WBP2NL: variants seen among roughly 807,000 people sequenced by gnomAD.
WBP2NL encodes postacrosomal sheath WW domain-binding protein.
Under a neutral mutation model 23.3 loss-of-function variants are expected in WBP2NL, and 27 were observed. That is an observed-to-expected ratio of 1.16 (90% CI 0.85 to 1.60). WBP2NL has a LOEUF of 1.60. WBP2NL is among the 40% of genes most tolerant of loss of function. The probability of loss-of-function intolerance (pLI) is 0.00; values close to 1 mark genes in which losing one functional copy is unlikely to be tolerated. For missense variants in WBP2NL, 370 were observed against 389.5 expected (o/e 0.95, Z 0.42); for synonymous variants, 151 against 145.9 (o/e 1.03, Z -0.25).
chr22:42,047,811 C>T (rs1327480434), intron 8 of WBP2NL, among the ~76,000 whole-genome samples: 5 of 151,144 alleles, frequency 3.3e-5, no homozygotes, highest in South Asian at 2.1e-4. Context: ...TTAGAAGAGA[C>T]GGGGTTTCAC....
downstream of WBP2NL, chr22:42,031,420 G>A (rs763207397): frequency 6.6e-5 from 10 of 152,118 alleles, no homozygotes; most frequent in Non-Finnish European, 1.2e-4. Flanking sequence ...CACTCACTGT[G>A]CTGGTGGATT....
rs540144433 is a variant in WBP2NL, at chr22:42,001,680, G to A, written c.62+2800G>A. Reference sequence around the variant, plus strand: ...TTGTCCACACCATCCAGGAAGATCTGCTTGTATTTATCTTTGAAGGTGAAG... The same window carrying A: ...TTGTCCACACCATCCAGGAAGATCTACTTGTATTTATCTTTGAAGGTGAAG... On this transcript the variant is annotated intron_variant, in intron 1 of 5. Transcript: ENST00000328823. 3.3e-6 allele frequency: 4 copies of A among 1,213,454 alleles called. No individual in the cohort carries two copies. The Admixed American group carries it at 5.1e-5, about 15-fold the overall frequency. 75.2% of individuals were successfully genotyped at this position (1,213,454 alleles called of 1,614,324 possible).
At chr22:42,034,480 G>C (rs1410958699), downstream of WBP2NL, among the ~76,000 whole-genome samples, 2 of 152,112 alleles carry the variant, frequency 1.3e-5, no homozygotes. Context: ...TACTTAACAG[G>C]GTAATAGAAT....
chr22:42,047,482 C>CG (rs1925638519), intron 8 of WBP2NL, among the ~76,000 whole-genome samples: 1 of 150,500 alleles, frequency 6.6e-6, no homozygotes, highest in East Asian at 2.0e-4. Flanking sequence ...CCCAGCTACT[C>CG]GGGAGGCTGA....
At chr22:42,023,736 C>A (rs1038709066) in intron 5 of WBP2NL, among the ~76,000 whole-genome samples, 1 of 152,036 alleles carries the variant, frequency 6.6e-6, no homozygotes, top group Non-Finnish European at 1.5e-5. Context: ...ACCTTGTGAT[C>A]CGCCCGCCTC....
intron 1 of WBP2NL, among the ~76,000 whole-genome samples, chr22:42,007,754 A>C (rs1427763686): frequency 6.6e-6 from 1 of 152,228 alleles, no homozygotes; most frequent in Non-Finnish European, 1.5e-5. Flanking sequence ...AGGTTGAAAA[A>C]TATTCCATTG....
At chr22:42,009,990 T>G (rs1346133233) in intron 1 of WBP2NL, among the ~76,000 whole-genome samples, 1 of 152,230 alleles carries the variant, frequency 6.6e-6, no homozygotes, top group African/African-American at 2.4e-5. Context: ...CACTAATGTT[T>G]TATAGTTTTC....
At chr22:42,041,869 G>GT (rs2146816969) in intron 8 of WBP2NL, among the ~76,000 whole-genome samples, 1 of 152,288 alleles carries the variant, frequency 6.6e-6, no homozygotes, top group East Asian at 1.9e-4. Context: ...TGTAAGACAG[G>GT]TGTAATGGTG....
chr22:42,006,370 G>A (rs1464041969), intron 1 of WBP2NL, among the ~76,000 whole-genome samples: 4 of 151,976 alleles, frequency 2.6e-5, no homozygotes, highest in South Asian at 4.2e-4. Context: ...GCAGGCACCC[G>A]CCACCACACT....
At chr22:42,019,621 A>G in intron 2 of WBP2NL, 41 bp from the exon 3 acceptor site, 1 of 1,611,932 alleles carries the variant, frequency 6.2e-7, no homozygotes, top group Non-Finnish European at 8.5e-7. Context: ...ATCCATGGAC[A>G]AATTCTGCAT....
At chr22:42,003,751 T>G (rs1023825825) in intron 1 of WBP2NL, among the ~76,000 whole-genome samples, 9 of 152,190 alleles carry the variant, frequency 5.9e-5, no homozygotes, top group African/African-American at 2.2e-4. Flanking sequence ...ACTAACTTGT[T>G]ATAACATGAC....
chr22:42,003,544 A>G (rs928899819), intron 1 of WBP2NL: 1 of 150,110 alleles, frequency 6.7e-6, no homozygotes. Flanking sequence ...AATTTTTTTT[A>G]AAAAAAGAAA....
intron 1 of WBP2NL, among the ~76,000 whole-genome samples, chr22:42,006,538 T>G (rs1476620759): frequency 1.3e-5 from 2 of 152,210 alleles, no homozygotes; most frequent in South Asian, 2.1e-4. Flanking sequence ...CAGCCGGCTT[T>G]GTTTCCTAAT....
exon 9 of WBP2NL, chr22:42,058,309 A>G (rs1217642076): frequency 6.6e-6 from 1 of 152,110 alleles, no homozygotes; most frequent in Non-Finnish European, 1.5e-5. Flanking sequence ...CTCACACATC[A>G]GAAGAGCATG....
chr22:42,057,867 A>ATG lies in WBP2NL; in HGVS notation c.*274-421_*274-420dup, dbSNP rs1491007983. Among the ~76,000 whole-genome samples the ATG allele has an allele frequency of 8.5e-3, 411 of 48,276 alleles. 3 individuals carry two copies. Among genetic ancestry groups the ATG allele is most frequent in the African/African-American group, 0.011 (107 of 9,350 alleles). 31.7% of individuals were successfully genotyped at this position (48,276 alleles called of 152,430 possible). A position where few individuals can be genotyped will look rare whatever the true frequency, so the allele number is the denominator to read the frequency against. ...TATATACACATATATGTGTGTGTGT[A>ATG]TGTATATATATATATATATATATAT... On this transcript the variant is annotated intron_variant and NMD_transcript_variant, in intron 8 of 8. Transcript: ENST00000436265.
chr22:42,042,731 C>A (rs1179129806), intron 8 of WBP2NL, among the ~76,000 whole-genome samples: 1 of 152,046 alleles, frequency 6.6e-6, no homozygotes, highest in Non-Finnish European at 1.5e-5. Context: ...CCTTGTGATC[C>A]TTCTAGCCTT....
At chr22:42,006,072 A>G (rs1242345692) in intron 1 of WBP2NL, among the ~76,000 whole-genome samples, 2 of 152,188 alleles carry the variant, frequency 1.3e-5, no homozygotes, top group African/African-American at 2.4e-5. Flanking sequence ...AACACCCAAG[A>G]AAGCTTTACT....
chr22:42,010,233 G>A (rs118035989), intron 1 of WBP2NL, among the ~76,000 whole-genome samples: 2,060 of 152,208 alleles, frequency 0.014, 25 homozygotes, highest in South Asian at 0.027. Flanking sequence ...ATAAGATCAC[G>A]CCATCTGTGA....
chr22:42,015,517 C>G (rs1923225646), intron 1 of WBP2NL, among the ~76,000 whole-genome samples: 1 of 152,092 alleles, frequency 6.6e-6, no homozygotes, highest in Admixed American at 6.6e-5. Flanking sequence ...ATTCTCCTGC[C>G]TCAGCCTCCT....
Sources: gnomAD v4.1 joint callset for allele counts (sites outside exome capture counted in the v4.1 genomes callset) on GRCh38, gnomAD v4.1.1 for gene constraint, MANE v1.5 for transcripts, NCBI Gene and HGNC (gene_info 2026-07-23, HGNC 2026-07-21) for gene names.